SLC22A23: variants seen among roughly 807,000 people sequenced by gnomAD.
SLC22A23 encodes ion transporter protein.
In SLC22A23, 26 loss-of-function variants were observed where a neutral mutation model predicts 61.0. The ratio of observed to expected loss-of-function variants is 0.43; its 90% CI spans 0.31 to 0.59. The LOEUF (loss-of-function observed/expected upper bound fraction) is 0.59, where lower values mean the gene tolerates loss of function less well. Ranked by LOEUF, SLC22A23 falls within the 20% of genes least tolerant of loss-of-function variation. The pLI is 0.11. For missense variants in SLC22A23, 796 were observed against 934.7 expected, an observed-to-expected ratio of 0.85 and a Z score of 1.94; for synonymous variants, 430 against 413.9, an observed-to-expected ratio of 1.04 and a Z score of -0.47.
intron 9 of SLC22A23, among the ~76,000 whole-genome samples, chr6:3,279,552 A>C (rs1759240833): frequency 7.1e-6 from 1 of 141,316 alleles, no homozygotes. Context: ...GACATCATTC[A>C]GTACGATTAG....
chr6:3,387,295 G>A lies in SLC22A23; in HGVS notation c.913+22893C>T, dbSNP rs186669661. ...GACGTCAGAGCTCCTGCCTCGATAC[G>A]ACGCCATGAGCAGGGTGGTGCTCTT... On this transcript the variant is annotated intron_variant, in intron 3 of 9. Transcript: ENST00000406686. The surrounding 1 kb of genome is among the most constrained non-coding windows in gnomAD (Gnocchi z 5.0). Among the ~76,000 whole-genome samples the A allele has an allele frequency of 3.6e-4, 55 of 152,342 alleles. No individual in the cohort carries two copies. The highest frequency in any genetic ancestry group is 9.6e-4 in the African/African-American group (40 of 41,578).
chr6:3,351,613 G>A (rs1235737610), intron 3 of SLC22A23, among the ~76,000 whole-genome samples: 1 of 146,490 alleles, frequency 6.8e-6, no homozygotes, highest in Non-Finnish European at 1.5e-5. Flanking sequence ...CCACTGCTCT[G>A]GAAACCTCTC....
chr6:3,387,918 T>C lies in SLC22A23; in HGVS notation c.913+22270A>G, dbSNP rs1215278350. ...GCCCACGACAGTCTGTGCCACGGCA[T>C]CTCCTTTCGGTGGAATTCGTGCTGT... is the stretch of plus-strand genomic sequence containing the variant. On this transcript the variant is annotated intron_variant, in intron 3 of 9. Transcript: ENST00000406686. The surrounding 1 kb of genome is among the most constrained non-coding windows in gnomAD (Gnocchi z 5.0). 6.6e-6 allele frequency among the ~76,000 whole-genome samples: 1 copy of C among 152,128 alleles called. No homozygotes were observed. Among genetic ancestry groups the C allele is most frequent in the Admixed American group, 6.5e-5 (1 of 15,276 alleles).
chr6:3,339,176 G>C (rs368034915), intron 3 of SLC22A23, among the ~76,000 whole-genome samples: 6 of 152,150 alleles, frequency 3.9e-5, no homozygotes, highest in East Asian at 1.9e-4. Context: ...TCAGGATTTC[G>C]TATCCTTTAA....
At chr6:3,442,667 A>G (rs1188222348) in intron 1 of SLC22A23, among the ~76,000 whole-genome samples, 2 of 152,198 alleles carry the variant, frequency 1.3e-5, no homozygotes, top group Non-Finnish European at 1.5e-5. Context: ...CGTCCATAAT[A>G]CAATATGACC....
At chr6:3,299,960 G>T (rs1761459168) in intron 4 of SLC22A23, among the ~76,000 whole-genome samples, 1 of 140,216 alleles carries the variant, frequency 7.1e-6, no homozygotes, top group Admixed American at 7.5e-5. Flanking sequence ...AGAAGTTATT[G>T]TAAGTACCGA....
At chr6:3,287,195 A>G (rs891216514) in intron 6 of SLC22A23, 104 bp from the exon 7 acceptor site, 11 of 1,025,220 alleles carry the variant, frequency 1.1e-5, no homozygotes, top group Non-Finnish European at 1.6e-5. Flanking sequence ...ATGAAGAAGC[A>G]ACTCAATGTG....
chr6:3,272,880 C>A lies in SLC22A23; in HGVS notation c.*175G>T. ...AAAGGGTTATTTCCAAAGAGTTTGT[C>A]TCCTCCGACCCGCGCTCCTTGGACT... On this transcript the variant is annotated 3_prime_UTR_variant, in exon 10 of 10. Transcript: ENST00000406686. 1.8e-6 allele frequency: 1 copy of A among 545,068 alleles called. No homozygotes were observed. The highest frequency in any genetic ancestry group is 3.2e-6 in the Non-Finnish European group (1 of 314,438). 33.8% of individuals were successfully genotyped at this position (545,068 alleles called of 1,614,324 possible).
chr6:3,357,541 A>G (rs1448505731), intron 3 of SLC22A23, among the ~76,000 whole-genome samples: 4 of 152,152 alleles, frequency 2.6e-5, no homozygotes, highest in Non-Finnish European at 5.9e-5. Flanking sequence ...TCAAAAAGAT[A>G]TCTAAAAGCT....
At chr6:3,374,413 G>A (rs1380597593) in intron 3 of SLC22A23, among the ~76,000 whole-genome samples, 2 of 152,150 alleles carry the variant, frequency 1.3e-5, no homozygotes, top group Non-Finnish European at 2.9e-5. Context: ...GGATCCTGAA[G>A]GTAAATCCTG....
Position 3,304,265 on chromosome 6 carries a change from T to C in SLC22A23, c.1083-6047A>G, listed in dbSNP as rs1761816093. Among the ~76,000 whole-genome samples the C allele has an allele frequency of 6.6e-6, 1 of 152,126 alleles. No homozygotes were observed. Among genetic ancestry groups the C allele is most frequent in the Non-Finnish European group, 1.5e-5 (1 of 68,008 alleles). ...ACTCTGCCTGCTCCTCAGTGATCAC[T>C]CCCTCATCTTTGTCATCCTCCAATT... On this transcript the variant is annotated intron_variant, in intron 4 of 9. Coordinates refer to ENST00000406686, the MANE Select transcript of SLC22A23 (RefSeq NM_015482.2). The surrounding 1 kb of genome is among the most constrained non-coding windows in gnomAD (Gnocchi z 4.3).
chr6:3,347,363 A>G (rs998511716), intron 3 of SLC22A23, among the ~76,000 whole-genome samples: 7 of 152,174 alleles, frequency 4.6e-5, no homozygotes, highest in African/African-American at 1.7e-4. Flanking sequence ...TGACACAGAG[A>G]AGACTCTGGT....
intron 3 of SLC22A23, among the ~76,000 whole-genome samples, chr6:3,391,688 G>A (rs942779105): frequency 8.5e-5 from 13 of 152,276 alleles, no homozygotes; most frequent in East Asian, 3.9e-4. Flanking sequence ...AGTGGTATGC[G>A]GAGATACAAA....
chr6:3,274,642 A>G (rs1758730722), intron 9 of SLC22A23, among the ~76,000 whole-genome samples: 2 of 152,238 alleles, frequency 1.3e-5, no homozygotes, highest in Admixed American at 1.3e-4. Flanking sequence ...TAACTCACCA[A>G]AAGACTGTCC....
chr6:3,422,549 G>GA (rs1770213767), intron 1 of SLC22A23, among the ~76,000 whole-genome samples: 1 of 152,010 alleles, frequency 6.6e-6, no homozygotes. Flanking sequence ...TGCATGACTT[G>GA]AAAACCTCAA....
intron 1 of SLC22A23, among the ~76,000 whole-genome samples, chr6:3,423,234 A>G (rs1438064305): frequency 6.6e-6 from 1 of 152,060 alleles, no homozygotes; most frequent in Non-Finnish European, 1.5e-5. Context: ...TACCACCTGA[A>G]CACATCCTCA....
At chr6:3,288,149 C>T (rs762145783) in intron 6 of SLC22A23, among the ~76,000 whole-genome samples, 44 of 152,318 alleles carry the variant, frequency 2.9e-4, no homozygotes, top group Admixed American at 8.5e-4. Context: ...GATGGCCATC[C>T]ATGGGGTGCC....
At chr6:3,362,998 G>C (rs955013339) in intron 3 of SLC22A23, among the ~76,000 whole-genome samples, 10 of 152,204 alleles carry the variant, frequency 6.6e-5, no homozygotes, top group Non-Finnish European at 1.3e-4. Flanking sequence ...CCAAGGAAGA[G>C]AGTTTTGATC....
At chr6:3,376,324 C>T (rs1367254420) in intron 3 of SLC22A23, among the ~76,000 whole-genome samples, 5 of 152,180 alleles carry the variant, frequency 3.3e-5, no homozygotes, top group African/African-American at 9.6e-5. Flanking sequence ...CTCTATATCA[C>T]GGAGCAAAGC....
Sources: gnomAD v4.1 joint callset for allele counts (sites outside exome capture counted in the v4.1 genomes callset) on GRCh38, gnomAD v4.1.1 for gene constraint, Gnocchi (gnomAD v3.1) non-coding constraint, MANE v1.5 for transcripts, NCBI Gene and HGNC (gene_info 2026-07-23, HGNC 2026-07-21) for gene names.